Variants in ST3GAL3 observed in about 807,000 individuals in gnomAD.
ST3GAL3 encodes CMP-N-acetylneuraminate-beta-1,4-galactoside alpha-2,3-sialyltransferase.
Under a neutral mutation model 50.1 loss-of-function variants are expected in ST3GAL3, and 21 were observed. The observed-to-expected ratio is 0.42, with a 90% CI of 0.30 to 0.60. The LOEUF (loss-of-function observed/expected upper bound fraction) is 0.60. ST3GAL3 is among the 20% of genes least tolerant of loss of function. The pLI, the probability that ST3GAL3 is intolerant of heterozygous loss-of-function variation, is 0.19. For synonymous variants in ST3GAL3, 183 were observed against 190.0 expected, an observed-to-expected ratio of 0.96 and a Z score of 0.30; for missense variants, 353 against 489.4, an observed-to-expected ratio of 0.72 and a Z score of 2.63.
In ST3GAL3 at chr1:43,770,975, T is replaced by C. The variant is rs527472460; in HGVS notation, c.119-21127T>C. ...TCTGATCTCTGACTGTCTTTACAGCTTTATCTTCCAAAGTAACAAAGATAG... is the reference window on the plus strand; with the variant it reads ...TCTGATCTCTGACTGTCTTTACAGCCTTATCTTCCAAAGTAACAAAGATAG... On this transcript the variant is annotated intron_variant, in intron 2 of 11. Coordinates refer to ENST00000347631, the MANE Select transcript of ST3GAL3 (RefSeq NM_006279.5). Among the ~76,000 whole-genome samples, 3 of 152,224 alleles carry C rather than the reference T, an allele frequency of 2.0e-5. No homozygotes were observed. The South Asian group carries it at 6.2e-4, about 32-fold the overall frequency.
At chr1:43,889,843 A>G (rs2076462772) in intron 5 of ST3GAL3, among the ~76,000 whole-genome samples, 1 of 152,230 alleles carries the variant, frequency 6.6e-6, no homozygotes, top group African/African-American at 2.4e-5. Flanking sequence ...AGATAAATAC[A>G]AATCTTATAA....
intron 5 of ST3GAL3, chr1:43,851,376 G>C: frequency 6.3e-7 from 1 of 1,595,578 alleles, no homozygotes; most frequent in Non-Finnish European, 8.6e-7. Context: ...GTTTGCAGGG[G>C]AGCCTGAGCA....
At chr1:43,801,632 A>AT (rs11400892) in intron 3 of ST3GAL3, 9,123 of 215,728 alleles carry the variant, frequency 0.042, 590 homozygotes, top group African/African-American at 0.17. Flanking sequence ...AACATTTGTG[A>AT]TTTTTTTTTT....
chr1:43,905,717 C>T (rs1354754437), intron 9 of ST3GAL3, among the ~76,000 whole-genome samples: 6 of 96,460 alleles, frequency 6.2e-5, no homozygotes, highest in Admixed American at 2.0e-4. Context: ...ACTCTTCCTC[C>T]CCCTCCTCCT....
chr1:43,880,469 TA>T (rs2074916839), intron 5 of ST3GAL3, among the ~76,000 whole-genome samples: 1 of 152,112 alleles, frequency 6.6e-6, no homozygotes, highest in Admixed American at 6.6e-5. Context: ...ACTCTGGATC[TA>T]TCCCCTTCCT....
At chr1:43,823,272 G>C (rs141025737) in intron 4 of ST3GAL3, among the ~76,000 whole-genome samples, 5 of 152,130 alleles carry the variant, frequency 3.3e-5, no homozygotes, top group African/African-American at 1.2e-4. Context: ...TGTAGAATGA[G>C]AGCCAGAACC....
chr1:43,850,649 TTTGA>T, intron 5 of ST3GAL3: 1 of 740,134 alleles, frequency 1.4e-6, no homozygotes, highest in Admixed American at 1.9e-5. Context: ...CATCTGTGCC[TTTGA>T]TTGAATGGAG....
chr1:43,860,949 G>A (rs912468141), intron 5 of ST3GAL3, among the ~76,000 whole-genome samples: 1 of 152,236 alleles, frequency 6.6e-6, no homozygotes, highest in East Asian at 1.9e-4. Flanking sequence ...TGGCACTGCG[G>A]TGAGGCTGGT....
chr1:43,718,679 CTTTTTTTTT>C (rs56873855), intron 1 of ST3GAL3, among the ~76,000 whole-genome samples: 1 of 29,110 alleles, frequency 3.4e-5, no homozygotes, highest in African/African-American at 9.4e-5. Flanking sequence ...TCTGCTACAT[CTTTTTTTTT>C]TTTTTTTTTT....
chr1:43,771,652 C>T (rs1291444572), intron 2 of ST3GAL3, among the ~76,000 whole-genome samples: 3 of 151,862 alleles, frequency 2.0e-5, no homozygotes, highest in East Asian at 1.9e-4. Flanking sequence ...CCACCGCGCC[C>T]GGCTGGGTGA....
chr1:43,770,258 AGGAGAGGGGAGGGG>A (rs1694613790), intron 2 of ST3GAL3, among the ~76,000 whole-genome samples: 1 of 71,364 alleles, frequency 1.4e-5, no homozygotes, highest in Admixed American at 1.8e-4. Flanking sequence ...AGGGGAGGAG[AGGAGAGGGGAGGGG>A]AGGAGAGGGG....
At chr1:43,770,519 C>G (rs1447187350) in intron 2 of ST3GAL3, among the ~76,000 whole-genome samples, 1 of 152,092 alleles carries the variant, frequency 6.6e-6, no homozygotes, top group Non-Finnish European at 1.5e-5. Context: ...GCAAGCTGTC[C>G]TGGAGGCAAG....
intron 4 of ST3GAL3, among the ~76,000 whole-genome samples, chr1:43,828,420 C>T (rs1412651999): frequency 6.6e-6 from 1 of 152,108 alleles, no homozygotes; most frequent in Non-Finnish European, 1.5e-5. Flanking sequence ...AACTCCAAAA[C>T]TTGTACTCTG....
intron 5 of ST3GAL3, among the ~76,000 whole-genome samples, chr1:43,857,582 C>CCTTCCTTCCTTCCTTCCTTCCTT (rs1558605475): frequency 2.1e-5 from 2 of 93,844 alleles, no homozygotes; most frequent in African/African-American, 8.9e-5. Flanking sequence ...TTTCCTTCCT[C>CCTTCCTTCCTTCCTTCCTTCCTT]CCTCCCTTCC....
intron 11 of ST3GAL3, chr1:43,929,907 T>TTTTA: frequency 3.0e-6 from 2 of 672,728 alleles, no homozygotes; most frequent in South Asian, 2.9e-5. Flanking sequence ...GAAAGGGGTA[T>TTTTA]GAAGGTTCTT....
chr1:43,792,175 C>A (rs201960656), intron 3 of ST3GAL3, 26 bp downstream of exon 3: 482 of 1,614,110 alleles, frequency 3.0e-4, no homozygotes, highest in Non-Finnish European at 3.7e-4. Flanking sequence ...CCTCTATCAT[C>A]TTTTTGGCCT....
intron 4 of ST3GAL3, among the ~76,000 whole-genome samples, chr1:43,834,635 ATGC>A (rs1361554244): frequency 1.3e-5 from 2 of 152,002 alleles, no homozygotes; most frequent in Non-Finnish European, 2.9e-5. Context: ...CATCTCCCAA[ATGC>A]TGATCCTTCA....
chr1:43,833,871 G>C (rs2063884216), intron 4 of ST3GAL3, among the ~76,000 whole-genome samples: 1 of 152,146 alleles, frequency 6.6e-6, no homozygotes, highest in Admixed American at 6.5e-5. Flanking sequence ...GGCATCCCTG[G>C]CCAAGGCGGG....
chr1:43,771,444 G>T (rs934040249), intron 2 of ST3GAL3, among the ~76,000 whole-genome samples: 1 of 151,238 alleles, frequency 6.6e-6, no homozygotes, highest in Non-Finnish European at 1.5e-5. Flanking sequence ...CGCAGGCTCC[G>T]CCCCCGGGGT....
Sources: gnomAD v4.1 joint callset for allele counts (sites outside exome capture counted in the v4.1 genomes callset) on GRCh38, gnomAD v4.1.1 for gene constraint, MANE v1.5 for transcripts, NCBI Gene and HGNC (gene_info 2026-07-23, HGNC 2026-07-21) for gene names.